GRIK1: variants seen among roughly 807,000 people sequenced by gnomAD.
GRIK1 encodes the protein glutamate ionotropic receptor kainate type subunit 1.
A neutral mutation model predicts 105.7 loss-of-function variants in GRIK1; 69 were observed. That is an observed-to-expected ratio of 0.65 (90% CI 0.54 to 0.80). The LOEUF is 0.80. GRIK1 is among the 30% of genes least tolerant of loss of function. The pLI, the probability that GRIK1 is intolerant of heterozygous loss-of-function variation, is 0.00. For synonymous variants in GRIK1, 438 were observed against 431.3 expected (o/e 1.02, Z -0.19); for missense variants, 1,109 against 1,167.3 (o/e 0.95, Z 0.73).
chr21:29,544,872 T>C (rs1048310903), intron 16 of GRIK1, among the ~76,000 whole-genome samples: 4 of 152,224 alleles, frequency 2.6e-5, no homozygotes, highest in African/African-American at 9.6e-5. Context: ...AAAGCCTAGA[T>C]GCCAAGGGAG....
At chr21:29,560,307 C>CTTTA in intron 15 of GRIK1, among the ~76,000 whole-genome samples, 1 of 112,618 alleles carries the variant, frequency 8.9e-6, no homozygotes, top group South Asian at 2.9e-4. Context: ...TTCTTTCTTT[C>CTTTA]TTTCTTTCTT....
intron 7 of GRIK1, chr21:29,630,543 C>A (rs952199486): frequency 4.2e-6 from 2 of 471,590 alleles, no homozygotes; most frequent in Non-Finnish European, 4.4e-6. Flanking sequence ...CTTAAGGGAA[C>A]AAGCTGCCAA....
At chr21:29,851,802 C>T (rs1378667367) in intron 1 of GRIK1, among the ~76,000 whole-genome samples, 1 of 152,024 alleles carries the variant, frequency 6.6e-6, no homozygotes, top group East Asian at 1.9e-4. Context: ...CTGGTGATCT[C>T]TAATTGCAAC....
At chr21:29,706,067 T>C (rs1378097659) in intron 1 of GRIK1, among the ~76,000 whole-genome samples, 1 of 152,018 alleles carries the variant, frequency 6.6e-6, no homozygotes, top group East Asian at 1.9e-4. Flanking sequence ...GGAGATGGGG[T>C]TTTGCCATGT....
At chr21:29,865,290 G>A (rs114014171) in intron 1 of GRIK1, among the ~76,000 whole-genome samples, 7 of 90,388 alleles carry the variant, frequency 7.7e-5, no homozygotes, top group Non-Finnish European at 1.1e-4. Flanking sequence ...GATTATTTAC[G>A]GTACATTTCT....
chr21:29,691,236 G>A (rs1363570767), intron 2 of GRIK1, among the ~76,000 whole-genome samples: 2 of 152,106 alleles, frequency 1.3e-5, no homozygotes, highest in Non-Finnish European at 2.9e-5. Flanking sequence ...GCTTGAACCC[G>A]GGAGGCAGAG....
chr21:29,775,748 T>C (rs1396570994), intron 1 of GRIK1, among the ~76,000 whole-genome samples: 1 of 152,208 alleles, frequency 6.6e-6, no homozygotes, highest in African/African-American at 2.4e-5. Context: ...GAAATTTGCA[T>C]TTTAGAACTT....
At chr21:29,654,938 C>A (rs2062820770) in intron 4 of GRIK1, 75 bp from the exon 5 acceptor site, 2 of 902,562 alleles carry the variant, frequency 2.2e-6, no homozygotes, top group Non-Finnish European at 3.7e-6. Context: ...AGGGTGACTG[C>A]AAATGCTTGG....
At chr21:29,552,034 G>A (rs908372385) in intron 16 of GRIK1, among the ~76,000 whole-genome samples, 4 of 152,092 alleles carry the variant, frequency 2.6e-5, no homozygotes, top group South Asian at 2.1e-4. Flanking sequence ...AGGAAGCAAA[G>A]CTGAGAAACA....
intron 1 of GRIK1, among the ~76,000 whole-genome samples, chr21:29,824,617 T>C (rs944293726): frequency 1.3e-5 from 2 of 151,896 alleles, no homozygotes; most frequent in East Asian, 1.9e-4. Flanking sequence ...GAAAAAACCT[T>C]GATGCAGGAG....
intron 1 of GRIK1, among the ~76,000 whole-genome samples, chr21:29,705,246 A>G (rs767184252): frequency 2.0e-5 from 3 of 152,214 alleles, no homozygotes; most frequent in Non-Finnish European, 4.4e-5. Flanking sequence ...CCCACAGAGC[A>G]GTATATACCG....
intron 1 of GRIK1, among the ~76,000 whole-genome samples, chr21:29,801,258 C>T (rs189497710): frequency 2.9e-4 from 44 of 151,426 alleles, no homozygotes; most frequent in African/African-American, 1.0e-3. Context: ...AAAGTAATTG[C>T]GGTTTTTACC....
chr21:29,749,656 T>C (rs1411193495), intron 1 of GRIK1, among the ~76,000 whole-genome samples: 1 of 152,218 alleles, frequency 6.6e-6, no homozygotes, highest in African/African-American at 2.4e-5. Flanking sequence ...ATGTGCAGCA[T>C]TTGACCGAGG....
chr21:29,938,493 C>T (rs1490692417), intron 1 of GRIK1, among the ~76,000 whole-genome samples: 1 of 152,222 alleles, frequency 6.6e-6, no homozygotes, highest in Non-Finnish European at 1.5e-5. Flanking sequence ...CCCTATGCAG[C>T]CACAGACCAA....
intron 7 of GRIK1, among the ~76,000 whole-genome samples, chr21:29,600,427 T>C (rs903490293): frequency 6.6e-6 from 1 of 152,226 alleles, no homozygotes; most frequent in Non-Finnish European, 1.5e-5. Flanking sequence ...AGTCTTCAGC[T>C]TCAATCATTA....
intron 16 of GRIK1, among the ~76,000 whole-genome samples, chr21:29,544,987 T>C (rs1032631223): frequency 3.9e-5 from 6 of 152,300 alleles, no homozygotes; most frequent in Admixed American, 1.3e-4. Context: ...CCAGTCTCTG[T>C]CTCAGGCATT....
intron 1 of GRIK1, among the ~76,000 whole-genome samples, chr21:29,728,728 C>G (rs900535974): frequency 2.0e-5 from 3 of 152,060 alleles, no homozygotes; most frequent in Middle Eastern, 6.3e-3. Context: ...GAACAAAAAC[C>G]GATACATTCC....
chr21:29,646,340 G>GTAA (rs1180174036), intron 6 of GRIK1, among the ~76,000 whole-genome samples: 3 of 152,186 alleles, frequency 2.0e-5, no homozygotes, highest in Non-Finnish European at 4.4e-5. Context: ...CATTGCTGAG[G>GTAA]ATTAAGTGCT....
Position 29,723,036 on chromosome 21 carries a change from G to A in GRIK1, c.119-28973C>T, listed in dbSNP as rs532143230. Among the ~76,000 whole-genome samples, 10 of 152,190 alleles carry A rather than the reference G, an allele frequency of 6.6e-5. No homozygotes were observed. The South Asian group carries it at 1.2e-3, about 19-fold the overall frequency. On this transcript the variant is annotated intron_variant, in intron 1 of 17. Coordinates refer to ENST00000327783, the MANE Select transcript of GRIK1 (RefSeq NM_001330994.2). ...TAAAAAGATACTGAAAAATATTTGGGTCCAACACAGTAGCTGACATACCTG... is the reference window on the plus strand; with the variant it reads ...TAAAAAGATACTGAAAAATATTTGGATCCAACACAGTAGCTGACATACCTG...
Sources: gnomAD v4.1 joint callset for allele counts (sites outside exome capture counted in the v4.1 genomes callset) on GRCh38, gnomAD v4.1.1 for gene constraint, MANE v1.5 for transcripts, NCBI Gene and HGNC (gene_info 2026-07-23, HGNC 2026-07-21) for gene names.